ST6GALNAC3: variants seen among roughly 807,000 people sequenced by gnomAD.
ST6GALNAC3 encodes the protein alpha-N-acetylgalactosaminide alpha-2,6-sialyltransferase 3.
Under a neutral mutation model 32.7 loss-of-function variants are expected in ST6GALNAC3, and 25 were observed. The ratio of observed to expected loss-of-function variants is 0.76; its 90% confidence interval spans 0.56 to 1.07. The LOEUF is 1.07. Among genes scored for constraint, ST6GALNAC3 ranks in the 50% least tolerant of loss-of-function variants. The pLI is 0.00. For missense variants in ST6GALNAC3, 355 were observed against 382.4 expected (o/e 0.93, Z 0.60); for synonymous variants, 129 against 133.1 (o/e 0.97, Z 0.21).
At chr1:76,319,752 G>A (rs1164729954) in intron 2 of ST6GALNAC3, among the ~76,000 whole-genome samples, 1 of 152,116 alleles carries the variant, frequency 6.6e-6, no homozygotes, top group Non-Finnish European at 1.5e-5. Flanking sequence ...AGTATTAAAT[G>A]TTATAGAAAA....
At chr1:76,511,818 C>T (rs1661882224) in intron 3 of ST6GALNAC3, among the ~76,000 whole-genome samples, 1 of 152,112 alleles carries the variant, frequency 6.6e-6, no homozygotes, top group Non-Finnish European at 1.5e-5. Flanking sequence ...ATCAATATGC[C>T]GTTCAGTTTA....
chr1:76,583,583 T>C (rs1262335361), intron 3 of ST6GALNAC3, among the ~76,000 whole-genome samples: 1 of 152,114 alleles, frequency 6.6e-6, no homozygotes, highest in Non-Finnish European at 1.5e-5. Flanking sequence ...TCTAGTGATT[T>C]AACAAAAATG....
intron 3 of ST6GALNAC3, among the ~76,000 whole-genome samples, chr1:76,413,961 A>G (rs1571153227): frequency 6.6e-6 from 1 of 152,112 alleles, no homozygotes; most frequent in Non-Finnish European, 1.5e-5. Flanking sequence ...TCACCCAGAC[A>G]TACCTATAAG....
chr1:76,090,852 G>A (rs1445309794), intron 1 of ST6GALNAC3, among the ~76,000 whole-genome samples: 2 of 152,174 alleles, frequency 1.3e-5, no homozygotes, highest in Admixed American at 6.5e-5. Context: ...ACACTTTTGA[G>A]ACATTTTTAG....
intron 3 of ST6GALNAC3, among the ~76,000 whole-genome samples, chr1:76,496,373 A>G: frequency 6.6e-6 from 1 of 152,170 alleles, no homozygotes; most frequent in East Asian, 1.9e-4. Context: ...TTGAACCCAT[A>G]CCGGGCATTC....
At chr1:76,460,132 C>G (rs753044952) in intron 3 of ST6GALNAC3, among the ~76,000 whole-genome samples, 3 of 152,162 alleles carry the variant, frequency 2.0e-5, no homozygotes, top group Non-Finnish European at 2.9e-5. Context: ...TCTTCACATT[C>G]TTGCCAACCC....
At chr1:76,435,284 T>C (rs562593215) in intron 3 of ST6GALNAC3, among the ~76,000 whole-genome samples, 1 of 152,240 alleles carries the variant, frequency 6.6e-6, no homozygotes, top group East Asian at 1.9e-4. Flanking sequence ...AGAATACATA[T>C]AAAGTTAAAG....
chr1:76,259,781 G>A (rs1291212503), intron 1 of ST6GALNAC3, among the ~76,000 whole-genome samples: 2 of 152,134 alleles, frequency 1.3e-5, no homozygotes, highest in East Asian at 1.9e-4. Context: ...CATTTTCACT[G>A]TTGATGAGCT....
At chr1:76,159,301 G>A (rs1651668062) in intron 1 of ST6GALNAC3, among the ~76,000 whole-genome samples, 1 of 152,176 alleles carries the variant, frequency 6.6e-6, no homozygotes, top group Admixed American at 6.5e-5. Context: ...AGATTCTCAT[G>A]CCTCAGCCTC....
chr1:76,429,717 G>A (rs932984374), intron 3 of ST6GALNAC3, among the ~76,000 whole-genome samples: 10 of 152,046 alleles, frequency 6.6e-5, no homozygotes, highest in African/African-American at 2.2e-4. Context: ...ATGATAGACT[G>A]TGAGCTCAAC....
At chr1:76,266,438 AT>A in intron 1 of ST6GALNAC3, among the ~76,000 whole-genome samples, 1 of 152,298 alleles carries the variant, frequency 6.6e-6, no homozygotes, top group Middle Eastern at 3.4e-3. Context: ...TGCAGCCTTT[AT>A]TTTATTGGGA....
chr1:76,399,455 T>A (rs1653236398), intron 2 of ST6GALNAC3, among the ~76,000 whole-genome samples: 1 of 152,206 alleles, frequency 6.6e-6, no homozygotes, highest in Non-Finnish European at 1.5e-5. Context: ...GGCACTTTCA[T>A]CACAAACACT....
chr1:76,538,825 T>G (rs1663797924), intron 3 of ST6GALNAC3, among the ~76,000 whole-genome samples: 1 of 152,002 alleles, frequency 6.6e-6, no homozygotes, highest in African/African-American at 2.4e-5. Flanking sequence ...GTGAAGGACC[T>G]CATCAAGGAG....
intron 1 of ST6GALNAC3, among the ~76,000 whole-genome samples, chr1:76,283,940 T>C (rs907961665): frequency 1.3e-5 from 2 of 152,218 alleles, no homozygotes; most frequent in African/African-American, 4.8e-5. Context: ...CATGTGACCA[T>C]GTATAAGGGA....
chr1:76,551,011 G>A (rs1012940529), intron 3 of ST6GALNAC3, among the ~76,000 whole-genome samples: 4 of 152,064 alleles, frequency 2.6e-5, no homozygotes, highest in Admixed American at 1.3e-4. Flanking sequence ...CTGCACCCCC[G>A]CCCTGCCTGC....
intron 1 of ST6GALNAC3, among the ~76,000 whole-genome samples, chr1:76,197,444 G>C (rs576623588): frequency 2.0e-5 from 3 of 151,392 alleles, no homozygotes; most frequent in African/African-American, 7.3e-5. Context: ...CAAGGGAAGG[G>C]CAGGAAGATA....
intron 2 of ST6GALNAC3, among the ~76,000 whole-genome samples, chr1:76,402,694 T>TAA (rs1355374904): frequency 6.6e-6 from 1 of 152,170 alleles, no homozygotes; most frequent in Non-Finnish European, 1.5e-5. Flanking sequence ...CATCCTATTT[T>TAA]AAAGTCTGTT....
At position 76,243,957 on chromosome 1, in the gene ST6GALNAC3, A is replaced by G. The variant is rs375041540; in HGVS notation, c.19-69848A>G. Among the ~76,000 whole-genome samples the G allele has an allele frequency of 2.0e-5, 3 of 152,138 alleles. No homozygotes were observed. The East Asian group carries it at 5.8e-4, about 29-fold the overall frequency. ...CTCCTTTTTGTTCCATATGAAATTTAAAGTAGTTTTTTCTAATTCTGTGAA... is the reference window on the plus strand; with the variant it reads ...CTCCTTTTTGTTCCATATGAAATTTGAAGTAGTTTTTTCTAATTCTGTGAA... On this transcript the variant is annotated intron_variant, in intron 1 of 4. Transcript: ENST00000328299.
In ST6GALNAC3 at chr1:76,189,977, G is replaced by T. The variant is rs182192346; in HGVS notation, c.18+115093G>T. Among the ~76,000 whole-genome samples, 69 of 152,312 alleles carry T rather than the reference G, an allele frequency of 4.5e-4. 3 individuals are homozygous for T. Among genetic ancestry groups the T allele is most frequent in the African/African-American group, 1.6e-3 (68 of 41,568 alleles). On this transcript the variant is annotated intron_variant, in intron 1 of 4. Transcript: ENST00000328299. ...CAGTGGACTGAATTCTGAGAGCTCA[G>T]TGTGACAGATAAAGGAAAGTTTGTC...
Sources: gnomAD v4.1 joint callset for allele counts (sites outside exome capture counted in the v4.1 genomes callset) on GRCh38, gnomAD v4.1.1 for gene constraint, MANE v1.5 for transcripts, NCBI Gene and HGNC (gene_info 2026-07-23, HGNC 2026-07-21) for gene names.